Variants in CTNND1 observed in about 807,000 individuals in gnomAD.
CTNND1 encodes catenin delta 1.
Under a neutral mutation model 112.1 loss-of-function variants are expected in CTNND1, and 16 were observed. The observed-to-expected ratio is 0.14, with a 90% CI of 0.10 to 0.22. The LOEUF (loss-of-function observed/expected upper bound fraction) is 0.22, where lower values mean the gene tolerates loss of function less well. CTNND1 is among the 10% of genes least tolerant of loss of function. CTNND1 has a pLI of 1.00. For missense variants in CTNND1, 1,008 were observed against 1,257.0 expected, an observed-to-expected ratio of 0.80 and a Z score of 3.00; for synonymous variants, 420 against 446.5, an observed-to-expected ratio of 0.94 and a Z score of 0.75.
chr11:57,795,381 A>G (rs1454272831), intron 4 of CTNND1, among the ~76,000 whole-genome samples, 196 bp from the exon 5 acceptor site: 2 of 152,214 alleles, frequency 1.3e-5, no homozygotes, highest in African/African-American at 2.4e-5. Context: ...TTAAATGACT[A>G]CAACTGGGAA....
At position 57,817,349 on chromosome 11, in the gene CTNND1, G is replaced by A. The variant is rs2064038656; in HGVS notation, c.*1041G>A. 6.5e-6 allele frequency: 1 copy of A among 152,744 alleles called. No homozygotes were observed. Among genetic ancestry groups the A allele is most frequent in the African/African-American group, 2.4e-5 (1 of 41,430 alleles). 9.5% of individuals were successfully genotyped at this position (152,744 alleles called of 1,614,324 possible). ...ACTCCTGTCCCTTTTCCCTTACAAG[G>A]TGGGGATTGCCCCTGGCTTTGCCTC... On this transcript the variant is annotated 3_prime_UTR_variant, in exon 21 of 21. Transcript: ENST00000399050.
intron 19 of CTNND1, 81 bp downstream of exon 19, chr11:57,815,581 A>T: frequency 8.4e-7 from 1 of 1,187,600 alleles, no homozygotes; most frequent in Non-Finnish European, 1.3e-6. Context: ...CACAAAAAAA[A>T]GTACAGAGAA....
Position 57,817,744 on chromosome 11 carries a change from C to G in CTNND1, c.*1436C>G, listed in dbSNP as rs2064055214. ...AAGGAGTTACAGGGAAGTGGTCTCC[C>G]CAATTCTCCCCTCCCTCCAGTATTG... is the stretch of plus-strand genomic sequence containing the variant. On this transcript the variant is annotated 3_prime_UTR_variant, in exon 21 of 21. Transcript: ENST00000399050. 1 of 152,556 alleles carries G rather than the reference C, an allele frequency of 6.6e-6. No homozygotes were observed. The highest frequency in any genetic ancestry group is 1.5e-5 in the Non-Finnish European group (1 of 68,024). The allele number at this position is 152,556 out of a possible 1,614,324, so 9.5% of individuals were successfully genotyped here. A position where few individuals can be genotyped will look rare whatever the true frequency, so the allele number is the denominator to read the frequency against.
chr11:57,773,044 G>C (rs537627), intron 1 of CTNND1, among the ~76,000 whole-genome samples: 1 of 151,882 alleles, frequency 6.6e-6, no homozygotes, highest in Admixed American at 6.6e-5. Flanking sequence ...TAACTGTATC[G>C]TCTTGCATGG....
chr11:57,794,281 T>C (rs545644609), intron 4 of CTNND1, among the ~76,000 whole-genome samples, 200 bp downstream of exon 4: 1 of 152,300 alleles, frequency 6.6e-6, no homozygotes, highest in East Asian at 1.9e-4. Context: ...TAATGACCAT[T>C]GATCTTTATG....
Position 57,805,488 on chromosome 11 carries a change from C to T in CTNND1, c.1723-394C>T, listed in dbSNP as rs192268700. The stretch of plus-strand genomic sequence containing the variant: ...GAACTCCCGACCTCAGGTGATCCAC[C>T]CGCCTCGGCCTCCCAAAGTGCTGGG... On this transcript the variant is annotated intron_variant, in intron 9 of 20. Transcript: ENST00000399050. Among the ~76,000 whole-genome samples, 193 of 152,080 alleles carry T rather than the reference C, an allele frequency of 1.3e-3. 4 individuals carry two copies. Among genetic ancestry groups the T allele is most frequent in the Admixed American group, 0.013 (191 of 15,274 alleles).
chr11:57,799,933 T>C (rs10750868), intron 6 of CTNND1, among the ~76,000 whole-genome samples: 139,787 of 148,842 alleles, frequency 0.94, 66,308 homozygotes, highest in East Asian at 1. Context: ...ACATACTGCT[T>C]AATAGCCTAC....
rs753442622 is a variant in CTNND1 at position 57,815,394 on chromosome 11, A to G, written c.2702A>G (p.Asp901Gly). 1.9e-6 allele frequency: 3 copies of G among 1,569,656 alleles called. No individual in the cohort carries two copies. Among genetic ancestry groups the G allele is most frequent in the African/African-American group, 1.4e-5 (1 of 72,268 alleles). Residue 901 changes from aspartate (D) to glycine (G), a missense_variant and splice_region_variant, in exon 19 of 21, where the codon GAT becomes GGT. By Grantham distance (94) the Asp-to-Gly change is moderately conservative (BLOSUM62 -1). This residue lies in a region of CTNND1 where 106 missense variants were observed against 116.2 expected (regional missense o/e 0.91). Coordinates refer to ENST00000399050, the MANE Select transcript of CTNND1 (RefSeq NM_001085458.2). ...SNMGSNTKSL[D>G]NNYSTPNERG... ...TGTGTACTTTTTTTTTTTTAACCAGATAACAACTATTCCACACCAAATGAG... is the reference window on the plus strand; with the variant it reads ...TGTGTACTTTTTTTTTTTTAACCAGGTAACAACTATTCCACACCAAATGAG...
chr11:57,765,868 T>C (rs889193974), intron 1 of CTNND1, among the ~76,000 whole-genome samples: 2 of 152,154 alleles, frequency 1.3e-5, no homozygotes, highest in Admixed American at 6.5e-5. Flanking sequence ...GTACAAAGAA[T>C]AGTATAAAAA....
chr11:57,785,687 T>C (rs1048289222), intron 1 of CTNND1, among the ~76,000 whole-genome samples: 14 of 151,906 alleles, frequency 9.2e-5, no homozygotes, highest in African/African-American at 3.1e-4. Flanking sequence ...GTAGCTGGGA[T>C]TACAGGTGTG....
At chr11:57,770,778 C>T (rs896656708) in intron 1 of CTNND1, among the ~76,000 whole-genome samples, 1 of 152,162 alleles carries the variant, frequency 6.6e-6, no homozygotes, top group African/African-American at 2.4e-5. Flanking sequence ...ACTAGGTCAA[C>T]TTCTCAATAC....
In CTNND1 at chr11:57,768,673, G is replaced by A. The variant is rs1017109817; in HGVS notation, c.-214+6554G>A. 1.3e-4 allele frequency among the ~76,000 whole-genome samples: 19 copies of A among 151,998 alleles called. No individual in the cohort carries two copies. In the East Asian group the frequency reaches 3.3e-3, roughly 26 times the overall value. On this transcript the variant is annotated intron_variant, in intron 1 of 20. Transcript: ENST00000399050. ...CTCCCAAAGTGCTGGGATTACAGGC[G>A]TGAGCCACCAAGCCCAGCCAGACAT...
At chr11:57,809,231 C>A in intron 14 of CTNND1, 43 bp from the exon 15 acceptor site, 1 of 1,476,148 alleles carries the variant, frequency 6.8e-7, no homozygotes, top group Non-Finnish European at 9.4e-7. Flanking sequence ...CTCTTCATGA[C>A]CTGACTTGAT....
chr11:57,802,313 G>A (rs988834926), intron 7 of CTNND1, 117 bp downstream of exon 7: 5 of 879,614 alleles, frequency 5.7e-6, no homozygotes, highest in Non-Finnish European at 7.0e-6. Flanking sequence ...TGGTGGCTGT[G>A]GGTCAAATCC....
rs755248569 is a variant in CTNND1, at chr11:57,808,427, A to G, written c.2129A>G (p.Lys710Arg). The G allele has an allele frequency of 1.2e-6, 2 of 1,611,846 alleles. No homozygotes were observed. The highest frequency in any genetic ancestry group is 1.1e-5 in the South Asian group (1 of 90,814). Residue 710 changes from lysine to arginine, a missense_variant, in exon 14 of 21, where the codon AAG becomes AGG. Around this residue, in one of 5 missense-constraint regions of CTNND1, gnomAD observed 254 missense variants for 279.5 expected, o/e 0.91. Coordinates refer to ENST00000399050, the MANE Select transcript of CTNND1 (RefSeq NM_001085458.2). ...RYIRSALRQE[K>R]ALSAIADLLT... ...ATCCGCTCTGCTCTGCGTCAAGAGA[A>G]GGCTCTTTCTGCCATAGCTGACCTC...
chr11:57,810,705 A>T (rs2063234323), intron 16 of CTNND1, among the ~76,000 whole-genome samples: 1 of 151,996 alleles, frequency 6.6e-6, no homozygotes, highest in South Asian at 2.1e-4. Flanking sequence ...CTGTAATTCC[A>T]ACACTTTGGG....
At chr11:57,775,009 A>G (rs1334419562) in intron 1 of CTNND1, among the ~76,000 whole-genome samples, 2 of 148,580 alleles carry the variant, frequency 1.3e-5, no homozygotes, top group South Asian at 2.1e-4. Context: ...CACCATGCCC[A>G]GCCTATGAGG....
chr11:57,816,132 CTGCTTTTG>C, intron 20 of CTNND1, 131 bp downstream of exon 20: 1 of 1,147,964 alleles, frequency 8.7e-7, no homozygotes, highest in Non-Finnish European at 1.3e-6. Context: ...TCGAGGGGTT[CTGCTTTTG>C]TGATTATTAC....
chr11:57,765,294 C>T (rs868184526), intron 1 of CTNND1, among the ~76,000 whole-genome samples: 1 of 152,006 alleles, frequency 6.6e-6, no homozygotes, highest in Non-Finnish European at 1.5e-5. Flanking sequence ...CTGAGGTGCT[C>T]AGTAAGCCTT....
Sources: gnomAD v4.1 joint callset for allele counts (sites outside exome capture counted in the v4.1 genomes callset) on GRCh38, gnomAD v4.1.1 for gene constraint, gnomAD v4.1.1 regional missense constraint, MANE v1.5 for transcripts, NCBI Gene and HGNC (gene_info 2026-07-23, HGNC 2026-07-21) for gene names.